The following UBE2D2 variants were observed in gnomAD, a reference collection of about 807,000 sequenced individuals.
The protein encoded by UBE2D2 is ubiquitin-conjugating enzyme E2 D2.
A neutral mutation model predicts 24.2 loss-of-function variants in UBE2D2; 2 were observed. The observed-to-expected ratio is 0.08, with a 90% CI of 0.03 to 0.26. The LOEUF (loss-of-function observed/expected upper bound fraction) is 0.26, where lower values mean the gene tolerates loss of function less well. UBE2D2 is among the 10% of genes least tolerant of loss of function. The pLI is 1.00. For missense variants in UBE2D2, 44 were observed against 177.6 expected (o/e 0.25, Z 4.28); for synonymous variants, 58 against 56.5 (o/e 1.03, Z -0.12).
intron 1 of UBE2D2, among the ~76,000 whole-genome samples, chr5:139,595,889 G>GTT (rs1561514902): frequency 6.2e-5 from 7 of 113,008 alleles, no homozygotes; most frequent in African/African-American, 1.8e-4. Flanking sequence ...TTTGTTTTTT[G>GTT]TTGTTTTTTT....
chr5:139,549,278 C>T (rs931451121), intron 1 of UBE2D2, among the ~76,000 whole-genome samples: 9 of 152,192 alleles, frequency 5.9e-5, no homozygotes, highest in African/African-American at 1.9e-4. Context: ...CGCTGCACTG[C>T]GGGAGCCCCT....
At chr5:139,622,189 T>C (rs1465680454) in intron 5 of UBE2D2, among the ~76,000 whole-genome samples, 3 of 152,164 alleles carry the variant, frequency 2.0e-5, no homozygotes, top group Non-Finnish European at 2.9e-5. Context: ...GAGACCAAGA[T>C]GTCATTTAAC....
chr5:139,625,858 G>T (rs911457522), intron 6 of UBE2D2, among the ~76,000 whole-genome samples: 1 of 152,168 alleles, frequency 6.6e-6, no homozygotes, highest in African/African-American at 2.4e-5. Context: ...AGCTGCTCCA[G>T]CCTCCCAAAG....
chr5:139,613,499 T>G (rs943312999), intron 2 of UBE2D2, among the ~76,000 whole-genome samples: 5 of 152,216 alleles, frequency 3.3e-5, no homozygotes, highest in African/African-American at 1.2e-4. Flanking sequence ...TTGGAAGATA[T>G]TTATTTATTG....
chr5:139,578,470 T>G (rs1241048115), intron 1 of UBE2D2, among the ~76,000 whole-genome samples: 1 of 142,376 alleles, frequency 7.0e-6, no homozygotes, highest in African/African-American at 2.5e-5. Context: ...GTGTGTGTGT[T>G]TTGACAGGGT....
intron 1 of UBE2D2, among the ~76,000 whole-genome samples, chr5:139,598,291 A>C (rs1475526734): frequency 6.6e-6 from 1 of 152,158 alleles, no homozygotes. Flanking sequence ...TTTGGATTTA[A>C]AAAATCTTAG....
At chr5:139,536,488 T>G (rs1752683555) in intron 1 of UBE2D2, among the ~76,000 whole-genome samples, 1 of 152,032 alleles carries the variant, frequency 6.6e-6, no homozygotes, top group Non-Finnish European at 1.5e-5. Flanking sequence ...CTCAGCCTCC[T>G]GAGTAGCTGG....
chr5:139,615,074 A>G (rs899205011), intron 5 of UBE2D2, 108 bp downstream of exon 5: 3 of 1,088,346 alleles, frequency 2.8e-6, no homozygotes, highest in African/African-American at 1.6e-5. Flanking sequence ...AGAGATAGCA[A>G]TTCTTCTTAA....
intron 1 of UBE2D2, among the ~76,000 whole-genome samples, chr5:139,584,390 C>T (rs186022662): frequency 1.3e-5 from 2 of 152,120 alleles, no homozygotes; most frequent in Admixed American, 6.6e-5. Context: ...AGAATGTATG[C>T]CTTTCGTTAA....
chr5:139,544,158 T>C (rs1561497504), intron 1 of UBE2D2, among the ~76,000 whole-genome samples: 1 of 143,208 alleles, frequency 7.0e-6, no homozygotes, highest in Admixed American at 6.7e-5. Flanking sequence ...TAGATCTTTT[T>C]TCTTTCTTTC....
intron 1 of UBE2D2, chr5:139,562,173 G>A (rs1234296514): frequency 5.2e-6 from 7 of 1,354,982 alleles, no homozygotes; most frequent in Non-Finnish European, 6.8e-6. Flanking sequence ...GGGGCGTTGG[G>A]CGGCCCCTTC....
chr5:139,563,280 G>A (rs1753148449), intron 1 of UBE2D2, among the ~76,000 whole-genome samples: 2 of 152,112 alleles, frequency 1.3e-5, no homozygotes, highest in Admixed American at 1.3e-4. Flanking sequence ...AGTCCCATTG[G>A]TTACTATAAT....
At chr5:139,618,335 C>T (rs1754456555) in intron 5 of UBE2D2, among the ~76,000 whole-genome samples, 1 of 152,080 alleles carries the variant, frequency 6.6e-6, no homozygotes, top group Non-Finnish European at 1.5e-5. Flanking sequence ...TTTGGAGTCC[C>T]AGGCAGAAAT....
At chr5:139,581,803 G>A (rs1289666963) in intron 1 of UBE2D2, among the ~76,000 whole-genome samples, 1 of 152,032 alleles carries the variant, frequency 6.6e-6, no homozygotes, top group African/African-American at 2.4e-5. Context: ...CGAGTAGCTG[G>A]GATTACAGGC....
intron 5 of UBE2D2, among the ~76,000 whole-genome samples, chr5:139,615,766 GA>G (rs1754408600): frequency 6.6e-6 from 1 of 150,494 alleles, no homozygotes; most frequent in African/African-American, 2.5e-5. Context: ...GTGTTGATTT[GA>G]AATTGTACAA....
chr5:139,562,387 A>T, intron 1 of UBE2D2: 2 of 1,323,906 alleles, frequency 1.5e-6, no homozygotes, highest in Non-Finnish European at 2.0e-6. Flanking sequence ...AAGAGTTGGA[A>T]GTTCAGAAGA....
At chr5:139,618,067 G>A (rs976588272) in intron 5 of UBE2D2, among the ~76,000 whole-genome samples, 10 of 151,882 alleles carry the variant, frequency 6.6e-5, no homozygotes, top group East Asian at 1.9e-4. Flanking sequence ...TCCACCTCCC[G>A]GGTTCAAGCC....
At chr5:139,538,097 A>T (rs1581480046) in intron 1 of UBE2D2, among the ~76,000 whole-genome samples, 1 of 152,118 alleles carries the variant, frequency 6.6e-6, no homozygotes, top group African/African-American at 2.4e-5. Flanking sequence ...CAATGGCAGG[A>T]TCTTGGCTCA....
At chr5:139,602,592 C>G (rs186261496) in intron 2 of UBE2D2, among the ~76,000 whole-genome samples, 1 of 151,906 alleles carries the variant, frequency 6.6e-6, no homozygotes, top group Admixed American at 6.6e-5. Flanking sequence ...GTGGGAGGAT[C>G]GCTTGAGTCC....
Sources: gnomAD v4.1 joint callset for allele counts (sites outside exome capture counted in the v4.1 genomes callset) on GRCh38, gnomAD v4.1.1 for gene constraint, MANE v1.5 for transcripts, NCBI Gene and HGNC (gene_info 2026-07-23, HGNC 2026-07-21) for gene names.